Variants in UBQLN1 observed in about 807,000 individuals in gnomAD.
UBQLN1 encodes the protein ubiquilin-1.
A neutral mutation model predicts 65.4 loss-of-function variants in UBQLN1; 13 were observed. The ratio of observed to expected loss-of-function variants is 0.20; its 90% confidence interval spans 0.13 to 0.32. The LOEUF (loss-of-function observed/expected upper bound fraction) is 0.32, where lower values mean the gene tolerates loss of function less well. Ranked by LOEUF, UBQLN1 falls within the 10% of genes least tolerant of loss-of-function variation. The pLI, the probability that UBQLN1 is intolerant of heterozygous loss-of-function variation, is 1.00. For missense variants in UBQLN1, 561 were observed against 724.0 expected, an observed-to-expected ratio of 0.77 and a Z score of 2.58; for synonymous variants, 267 against 247.8, an observed-to-expected ratio of 1.08 and a Z score of -0.73.
chr9:83,705,440 G>A (rs113389628), intron 1 of UBQLN1, among the ~76,000 whole-genome samples: 5,747 of 152,180 alleles, frequency 0.038, 318 homozygotes, highest in African/African-American at 0.13. Flanking sequence ...AGTAGAGACG[G>A]GGTTTCACCC....
rs921851870 is a variant in UBQLN1 at position 83,678,718 on chromosome 9, GTTT to G, written c.712-122_712-120del. ...TTATGGGAGGCCACTGTTTTGTTTT[GTTT>G]TTTTAATTTTTTTGAGACGGAGTCT... On this transcript the variant is annotated intron_variant, in intron 4 of 10. Transcript: ENST00000376395. 5.2e-6 allele frequency: 6 copies of G among 1,158,906 alleles called. No homozygotes were observed. In the East Asian group the frequency reaches 1.5e-4, roughly 28 times the overall value. 71.8% of individuals were successfully genotyped at this position (1,158,906 alleles called of 1,614,324 possible). A position where few individuals can be genotyped will look rare whatever the true frequency, so the allele number is the denominator to read the frequency against.
chr9:83,661,802 G>A lies in UBQLN1; in HGVS notation c.1755C>T (p.Gly585=), dbSNP rs766332366. The change falls in exon 11 of 11, where the codon GGC becomes GGT. Residue 585 remains glycine (G), a synonymous_variant. Coordinates refer to ENST00000376395, the MANE Select transcript of UBQLN1 (RefSeq NM_013438.5). ...DINAAIERLL[G]SQPS ...AGAAATGCTGCTATGATGGCTGGGA[G>A]CCCAGTAACCTTTCAATAGCTGCAT... 4.4e-5 allele frequency: 70 copies of A among 1,608,212 alleles called. No individual in the cohort carries two copies. The highest frequency in any genetic ancestry group is 5.9e-5 in the Non-Finnish European group (70 of 1,177,468).
intron 2 of UBQLN1, among the ~76,000 whole-genome samples, chr9:83,683,932 G>A (rs904602975): frequency 4.0e-5 from 6 of 151,880 alleles, no homozygotes; most frequent in Non-Finnish European, 8.8e-5. Flanking sequence ...GAGGCAGGAA[G>A]ACTACTTGAA....
At position 83,659,989 on chromosome 9, in the gene UBQLN1, GTTATT is replaced by G. The variant is rs1226161493; in HGVS notation, c.*1793_*1797del. The G allele has an allele frequency of 6.6e-6, 1 of 152,098 alleles. No homozygotes were observed. The highest frequency in any genetic ancestry group is 6.5e-5 in the Admixed American group (1 of 15,276). The allele number at this position is 152,098 out of a possible 1,614,324, so 9.4% of individuals were successfully genotyped here. A position where few individuals can be genotyped will look rare whatever the true frequency, so the allele number is the denominator to read the frequency against. ...CAAGTGTAAAAGCTAGAGATTTATT[GTTATT>G]TTATGATTAATAAATTGTCAAATTA... On this transcript the variant is annotated 3_prime_UTR_variant, in exon 11 of 11. Coordinates refer to ENST00000376395, the MANE Select transcript of UBQLN1 (RefSeq NM_013438.5).
intron 9 of UBQLN1, among the ~76,000 whole-genome samples, chr9:83,664,254 A>T (rs547813722): frequency 1.3e-5 from 2 of 152,212 alleles, no homozygotes; most frequent in South Asian, 4.1e-4. Context: ...CATCTCTACA[A>T]AAAATAAAAA....
At chr9:83,695,109 T>A (rs1009283324) in intron 1 of UBQLN1, among the ~76,000 whole-genome samples, 1 of 151,182 alleles carries the variant, frequency 6.6e-6, no homozygotes, top group African/African-American at 2.4e-5. Flanking sequence ...AGGTAAAAAT[T>A]ATATATGAAC....
Position 83,665,150 on chromosome 9 carries a change from G to A in UBQLN1, c.1333-5C>T. On this transcript the variant is annotated splice_polypyrimidine_tract_variant and splice_region_variant and intron_variant, in intron 8 of 10. Transcript: ENST00000376395. ...TAGTGTATCAGGATTCTGCATCTAAGGAAGAAAGAAAACTAGTGGTTACAA... is the reference window on the plus strand; with the variant it reads ...TAGTGTATCAGGATTCTGCATCTAAAGAAGAAAGAAAACTAGTGGTTACAA... The A allele has an allele frequency of 6.3e-7, 1 of 1,588,868 alleles. No individual in the cohort carries two copies. Among genetic ancestry groups the A allele is most frequent in the Non-Finnish European group, 8.6e-7 (1 of 1,168,050 alleles).
chr9:83,677,417 C>T (rs1204808792), intron 6 of UBQLN1, among the ~76,000 whole-genome samples: 1 of 152,078 alleles, frequency 6.6e-6, no homozygotes. Flanking sequence ...ACAAAATTAG[C>T]CGGGCATGGT....
chr9:83,665,062 T>C lies in UBQLN1; in HGVS notation c.1416A>G (p.Thr472=), dbSNP rs377286932. The change falls in exon 9 of 11, where the codon ACA becomes ACG. Residue 472 remains threonine (T), a synonymous_variant. Transcript: ENST00000376395. ...ALLQIQQGLQ[T]LATEAPGLIP... ...TGAGGCCCGGGGCTTCCGTTGCTAA[T>C]GTCTGTAAACCCTGCTGAATCTGTA... 95 of 1,613,784 alleles carry C rather than the reference T, an allele frequency of 5.9e-5. No individual in the cohort carries two copies. The highest frequency in any genetic ancestry group is 3.3e-4 in the Middle Eastern group (2 of 6,062).
intron 6 of UBQLN1, 146 bp from the exon 7 acceptor site, chr9:83,669,473 TTAAAAC>T (rs1237763876): frequency 6.6e-6 from 5 of 758,638 alleles, no homozygotes; most frequent in Non-Finnish European, 9.9e-6. Flanking sequence ...CGAAAGAACT[TTAAAAC>T]TAAAACATCT....
In UBQLN1 at chr9:83,677,796, T is replaced by C. The variant is rs749367529; in HGVS notation, c.1036A>G (p.Thr346Ala). The C allele has an allele frequency of 2.5e-6, 4 of 1,614,088 alleles. No individual in the cohort carries two copies. The highest frequency in any genetic ancestry group is 4.5e-5 in the East Asian group (2 of 44,874). The stretch of plus-strand genomic sequence containing the variant: ...GAAGTGCCACTGGCAGTACTACCAG[T>C]AGTGCCACCCACAGTGCTGGCAGTG... ...SGTASTVGGT[T>A]GSTASGTSGQ... is the part of the protein sequence containing the mutation. Residue 346 changes from threonine to alanine, a missense_variant, in exon 6 of 11, where the codon ACT (threonine) becomes GCT (alanine). Around this residue, in one of 8 missense-constraint regions of UBQLN1, gnomAD observed 89 missense variants for 77.8 expected, o/e 1.14. Coordinates refer to ENST00000376395, the MANE Select transcript of UBQLN1 (RefSeq NM_013438.5).
chr9:83,707,424 C>G, intron 1 of UBQLN1, 76 bp downstream of exon 1: 1 of 1,474,882 alleles, frequency 6.8e-7, no homozygotes, highest in Non-Finnish European at 9.0e-7. Flanking sequence ...CCAGGCCCTT[C>G]CAAAAGGTCT....
At chr9:83,697,150 C>T (rs954272863) in intron 1 of UBQLN1, among the ~76,000 whole-genome samples, 3 of 151,798 alleles carry the variant, frequency 2.0e-5, no homozygotes, top group East Asian at 1.9e-4. Context: ...ATCGGTGAGG[C>T]CTCCCAAGTT....
At chr9:83,668,030 T>G in intron 7 of UBQLN1, 1 of 985,416 alleles carries the variant, frequency 1.0e-6, no homozygotes, top group Non-Finnish European at 1.2e-6. Flanking sequence ...AAGATGCACA[T>G]TCAGTATTAG....
intron 1 of UBQLN1, among the ~76,000 whole-genome samples, chr9:83,689,453 T>C (rs1211141511): frequency 6.6e-6 from 1 of 152,206 alleles, no homozygotes; most frequent in Non-Finnish European, 1.5e-5. Flanking sequence ...AATTAACATA[T>C]GACCTAATTG....
At chr9:83,667,759 TACC>T (rs1178850089) in intron 7 of UBQLN1, 2 of 976,526 alleles carry the variant, frequency 2.0e-6, no homozygotes, top group East Asian at 1.1e-4. Flanking sequence ...TGAGTGCTTA[TACC>T]ACAAGTTTTT....
At chr9:83,665,485 G>A (rs1831629985) in intron 8 of UBQLN1, 1 of 194,390 alleles carries the variant, frequency 5.1e-6, no homozygotes, top group East Asian at 1.3e-4. Flanking sequence ...CAATTCTTAC[G>A]ACGTGGATAT....
At chr9:83,664,158 G>C in intron 9 of UBQLN1, 115 bp from the exon 10 acceptor site, 1 of 1,171,404 alleles carries the variant, frequency 8.5e-7, no homozygotes, top group Non-Finnish European at 1.2e-6. Context: ...AGCCCTTTTG[G>C]CCTGGTGCAG....
At chr9:83,693,226 T>A (rs953129184) in intron 1 of UBQLN1, among the ~76,000 whole-genome samples, 2 of 149,062 alleles carry the variant, frequency 1.3e-5, no homozygotes, top group Admixed American at 6.6e-5. Context: ...ACAAAACAAC[T>A]TTCAGCAACC....
Sources: allele counts gnomAD v4.1 joint callset (sites outside exome capture counted in the v4.1 genomes callset), GRCh38; gene constraint gnomAD v4.1.1; regional missense constraint gnomAD v4.1.1; transcripts MANE v1.5; gene names NCBI Gene and HGNC (gene_info 2026-07-23, HGNC 2026-07-21).